RPTOR: variants seen among roughly 807,000 people sequenced by gnomAD.
RPTOR encodes the protein regulatory associated protein of MTOR complex 1.
In RPTOR, 21 loss-of-function variants were observed where a neutral mutation model predicts 169.9. That is an observed-to-expected ratio of 0.12 (90% CI 0.09 to 0.18). The LOEUF is 0.18. Among genes scored for constraint, RPTOR ranks in the 10% least tolerant of loss-of-function variants. The pLI is 1.00. For synonymous variants in RPTOR, 732 were observed against 753.2 expected (o/e 0.97, Z 0.46); for missense variants, 1,133 against 1,855.9 (o/e 0.61, Z 7.16).
intron 9 of RPTOR, among the ~76,000 whole-genome samples, chr17:80,826,700 C>G (rs1051708166): frequency 3.9e-5 from 6 of 152,236 alleles, no homozygotes; most frequent in African/African-American, 1.2e-4. Context: ...GGGATGAAGA[C>G]TGAAGAAGAA....
intron 6 of RPTOR, among the ~76,000 whole-genome samples, chr17:80,789,210 C>T (rs1282299156): frequency 2.6e-5 from 4 of 152,062 alleles, no homozygotes; most frequent in Non-Finnish European, 5.9e-5. Flanking sequence ...TTTTTATTGA[C>T]TTTTTTCTCT....
At chr17:80,778,995 A>G (rs1042678417) in intron 6 of RPTOR, among the ~76,000 whole-genome samples, 4 of 152,204 alleles carry the variant, frequency 2.6e-5, no homozygotes, top group Admixed American at 6.5e-5. Flanking sequence ...TTTGGACCAT[A>G]TCTTTGTGGT....
chr17:80,585,250 G>A (rs1364484425), intron 1 of RPTOR, among the ~76,000 whole-genome samples: 1 of 150,810 alleles, frequency 6.6e-6, no homozygotes, highest in East Asian at 1.9e-4. Context: ...TGTCGCCCAG[G>A]TTGGAGTGCA....
At chr17:80,832,892 A>T (rs2067521465) in intron 9 of RPTOR, among the ~76,000 whole-genome samples, 1 of 152,250 alleles carries the variant, frequency 6.6e-6, no homozygotes, top group Admixed American at 6.5e-5. Flanking sequence ...GCAAGAGGAA[A>T]GAGGGAACAA....
At chr17:80,836,960 C>T (rs941701569) in intron 9 of RPTOR, among the ~76,000 whole-genome samples, 11 of 151,946 alleles carry the variant, frequency 7.2e-5, no homozygotes, top group Non-Finnish European at 1.0e-4. Flanking sequence ...CTGGGGGTGT[C>T]GGTGAGCAGG....
At chr17:80,867,800 T>A (rs1178318096) in intron 13 of RPTOR, among the ~76,000 whole-genome samples, 1 of 152,160 alleles carries the variant, frequency 6.6e-6, no homozygotes, top group Non-Finnish European at 1.5e-5. Flanking sequence ...TAGGGATACA[T>A]TCTGACAAAA....
At chr17:80,896,447 C>CAG (rs879842357) in intron 20 of RPTOR, among the ~76,000 whole-genome samples, 69,773 of 114,034 alleles carry the variant, frequency 0.61, 23,153 homozygotes, top group Non-Finnish European at 0.7. Flanking sequence ...CACGGCCATG[C>CAG]CGACACCCCA....
intron 3 of RPTOR, among the ~76,000 whole-genome samples, chr17:80,661,026 T>C (rs907680096): frequency 2.6e-5 from 4 of 152,230 alleles, no homozygotes; most frequent in Admixed American, 6.5e-5. Context: ...GGCCTGCTCA[T>C]CTTTCTCGGG....
At chr17:80,663,886 C>T (rs1432382008) in intron 3 of RPTOR, among the ~76,000 whole-genome samples, 4 of 152,064 alleles carry the variant, frequency 2.6e-5, no homozygotes, top group Non-Finnish European at 2.9e-5. Flanking sequence ...TGCTTTGGCA[C>T]GGAAGCATCC....
chr17:80,922,667 C>T (rs1218501294), intron 21 of RPTOR, 57 bp from the exon 22 acceptor site: 21 of 1,377,588 alleles, frequency 1.5e-5, no homozygotes, highest in Admixed American at 2.0e-5. Flanking sequence ...CTTCGTGTGG[C>T]GGCCTCCGCG....
chr17:80,708,604 G>A lies in RPTOR; in HGVS notation c.507+605G>A, dbSNP rs998542787. Among the ~76,000 whole-genome samples, 3 of 128,886 alleles carry A rather than the reference G, an allele frequency of 2.3e-5. No individual in the cohort carries two copies. Among genetic ancestry groups the A allele is most frequent in the African/African-American group, 7.5e-5 (2 of 26,576 alleles). The allele number at this position is 128,886 out of a possible 152,430, so 84.6% of individuals were successfully genotyped here. On this transcript the variant is annotated intron_variant, in intron 4 of 33. Transcript: ENST00000306801. This position sits in a 1 kb window ranked among gnomAD's most constrained non-coding sequence, Gnocchi z 4.2. ...GCTGACTGTTGTCCCCACCCTCCAG[G>A]GTGTGGTGGGTGCTGACTGTCTCCT...
intron 16 of RPTOR, among the ~76,000 whole-genome samples, 199 bp downstream of exon 16, chr17:80,884,171 G>A (rs555109045): frequency 3.9e-5 from 6 of 152,228 alleles, no homozygotes; most frequent in Non-Finnish European, 7.3e-5. Flanking sequence ...CCCAGAGTGC[G>A]CTCCCGGGGA....
chr17:80,547,252 T>C (rs914454937), intron 1 of RPTOR, among the ~76,000 whole-genome samples: 1 of 152,170 alleles, frequency 6.6e-6, no homozygotes, highest in Non-Finnish European at 1.5e-5. Context: ...ATGGACATCT[T>C]TAGTAGTAAC....
intron 21 of RPTOR, among the ~76,000 whole-genome samples, chr17:80,918,312 C>T (rs922782038): frequency 3.9e-5 from 6 of 152,214 alleles, no homozygotes; most frequent in Non-Finnish European, 7.3e-5. Context: ...TGTTCCCCTG[C>T]GGAGATGCAG....
chr17:80,807,747 G>C (rs2032080389), intron 7 of RPTOR, among the ~76,000 whole-genome samples: 1 of 151,794 alleles, frequency 6.6e-6, no homozygotes. Context: ...TCTTCTGTTG[G>C]CTTGTTAATT....
chr17:80,918,483 CGAGCACCCTCGCGGGGGTCATAGCCAT>C lies in RPTOR; in HGVS notation c.2521-4203_2521-4177del, dbSNP rs1322980864. 4.3e-3 allele frequency among the ~76,000 whole-genome samples: 355 copies of C among 82,428 alleles called. 1 individual carries two copies. The highest frequency in any genetic ancestry group is 7.4e-3 in the East Asian group (30 of 4,080). The allele number at this position is 82,428 out of a possible 152,430, so 54.1% of individuals were successfully genotyped here. On this transcript the variant is annotated intron_variant, in intron 21 of 33. Coordinates refer to ENST00000306801, the MANE Select transcript of RPTOR (RefSeq NM_020761.3). ...AGCACCCTCGCCGGAGTCATAGCCA[CGAGCACCCTCGCGGGGGTCATAGCCAT>C]GAGCACCCTCGCGGGGGTCATAGCC...
chr17:80,868,942 A>G (rs938463559), intron 13 of RPTOR, among the ~76,000 whole-genome samples: 4 of 152,178 alleles, frequency 2.6e-5, no homozygotes, highest in African/African-American at 7.2e-5. Context: ...TGCTGGGGGC[A>G]GGTGAGGGTG....
rs2068578117 is a variant in RPTOR at position 80,908,945 on chromosome 17, T to A, written c.2520+16T>A. The A allele has an allele frequency of 1.3e-6, 2 of 1,561,024 alleles. No individual in the cohort carries two copies. ...CGCCTACAAGGTACGTGCCGGGCGC[T>A]CCCCACCGCGCTCCAGCTGCTGGTT... On this transcript the variant is annotated intron_variant, in intron 21 of 33. Transcript: ENST00000306801.
intron 3 of RPTOR, among the ~76,000 whole-genome samples, chr17:80,690,520 T>C (rs2065982090): frequency 6.6e-6 from 1 of 152,172 alleles, no homozygotes; most frequent in African/African-American, 2.4e-5. Context: ...AGAAACTGGA[T>C]CATGTAGCCT....
Sources: allele counts gnomAD v4.1 joint callset (sites outside exome capture counted in the v4.1 genomes callset), GRCh38; gene constraint gnomAD v4.1.1; non-coding constraint Gnocchi (gnomAD v3.1); transcripts MANE v1.5; gene names NCBI Gene and HGNC (gene_info 2026-07-23, HGNC 2026-07-21).